The following LIPA variants were observed in gnomAD, a reference collection of about 807,000 sequenced individuals.
LIPA encodes the protein lipase A, lysosomal acid type, also known as lysosomal acid lipase/cholesteryl ester hydrolase.
A neutral mutation model predicts 40.6 loss-of-function variants in LIPA; 26 were observed. That is an observed-to-expected ratio of 0.64 (90% CI 0.47 to 0.89). The LOEUF is 0.89. LIPA is among the 40% of genes least tolerant of loss of function. The pLI, the probability that LIPA is intolerant of heterozygous loss-of-function variation, is 0.00. For missense variants in LIPA, 455 were observed against 479.6 expected, an observed-to-expected ratio of 0.95 and a Z score of 0.48; for synonymous variants, 188 against 168.4, an observed-to-expected ratio of 1.12 and a Z score of -0.90.
chr10:89,254,755 C>G (rs1173556198), upstream of LIPA, among the ~76,000 whole-genome samples: 2 of 152,150 alleles, frequency 1.3e-5, no homozygotes, highest in Non-Finnish European at 2.9e-5. Context: ...TAACAGCACC[C>G]AAGTCACCAT....
At chr10:89,341,982 G>GGT (rs1843875316) in intron 1 of LIPA, among the ~76,000 whole-genome samples, 1 of 152,122 alleles carries the variant, frequency 6.6e-6, no homozygotes, top group African/African-American at 2.4e-5. Flanking sequence ...AAGTAGCTGA[G>GGT]GTAATGCATA....
chr10:89,269,105 A>C (rs1020729515), intron 1 of LIPA, among the ~76,000 whole-genome samples: 1 of 151,972 alleles, frequency 6.6e-6, no homozygotes, highest in East Asian at 1.9e-4. Context: ...CAGGTGGACC[A>C]CCTGAGGTCA....
rs373734660 is a variant in LIPA at position 89,306,712 on chromosome 10, T to C, written c.-2+35899A>G. 5.4e-5 allele frequency: 87 copies of C among 1,614,142 alleles called. No individual in the cohort carries two copies. The African/African-American group carries it at 8.1e-4, about 15-fold the overall frequency. ...CAGGTGTAACAGATGTTCTTCGCAG[T>C]GCAGCCAAGTTTTATCGAAGAAAAG... On this transcript the variant is annotated intron_variant, in intron 1 of 5. Coordinates refer to the LIPA transcript ENST00000282673.
In LIPA at chr10:89,216,056, G is replaced by A. The variant is rs184863383; in HGVS notation, c.895-47C>T. 2.5e-5 allele frequency: 31 copies of A among 1,253,042 alleles called. No individual in the cohort carries two copies. The Middle Eastern group carries it at 5.6e-4, about 23-fold the overall frequency. The allele number at this position is 1,253,042 out of a possible 1,614,324, so 77.6% of individuals were successfully genotyped here. On this transcript the variant is annotated intron_variant, in intron 8 of 9. Transcript: ENST00000336233. ...AAAGAGTTATCTGACACCAAAGTTA[G>A]AGATAACATCATAGGTTGCTGGAGC...
chr10:89,349,921 T>C (rs1013954934), intron 2 of LIPA, among the ~76,000 whole-genome samples: 1 of 152,142 alleles, frequency 6.6e-6, no homozygotes, highest in African/African-American at 2.4e-5. Flanking sequence ...TATAAACGTC[T>C]CTTGTGATGG....
At chr10:89,393,199 A>G in intron 2 of LIPA, 1 of 1,289,928 alleles carries the variant, frequency 7.8e-7, no homozygotes, top group South Asian at 1.2e-5. Context: ...TACAGTGGAG[A>G]TGTGGTAGGA....
At chr10:89,298,439 A>G (rs1178471237) in intron 1 of LIPA, among the ~76,000 whole-genome samples, 1 of 152,248 alleles carries the variant, frequency 6.6e-6, no homozygotes, top group African/African-American at 2.4e-5. Flanking sequence ...AATTGTACAG[A>G]GGCTACACTA....
chr10:89,402,897 C>A, intron 2 of LIPA: 2 of 1,614,206 alleles, frequency 1.2e-6, no homozygotes, highest in East Asian at 4.5e-5. Flanking sequence ...TCCCCTAAGG[C>A]AGGCTGTCCG....
intron 2 of LIPA, among the ~76,000 whole-genome samples, chr10:89,381,324 T>G (rs1027542538): frequency 6.6e-6 from 1 of 151,854 alleles, no homozygotes; most frequent in Non-Finnish European, 1.5e-5. Flanking sequence ...TCTGTAGGGG[T>G]GGTGACTATT....
At chr10:89,329,029 T>G (rs926312044) in intron 1 of LIPA, among the ~76,000 whole-genome samples, 2 of 152,142 alleles carry the variant, frequency 1.3e-5, no homozygotes, top group Admixed American at 1.3e-4. Context: ...ATTTTTAAAT[T>G]TATATATTGA....
intron 3 of LIPA, among the ~76,000 whole-genome samples, chr10:89,230,306 T>TTTGA (rs976882316): frequency 5.3e-5 from 8 of 152,124 alleles, no homozygotes; most frequent in African/African-American, 9.7e-5. Context: ...TATCCACTTA[T>TTTGA]TTGATTGATT....
upstream of LIPA, among the ~76,000 whole-genome samples, chr10:89,252,720 G>A (rs908270613): frequency 6.6e-6 from 1 of 151,682 alleles, no homozygotes; most frequent in Non-Finnish European, 1.5e-5. Flanking sequence ...GCAGGAAAAT[G>A]GCTTGAACCA....
intron 2 of LIPA, chr10:89,384,504 A>T: frequency 6.2e-7 from 1 of 1,614,052 alleles, no homozygotes; most frequent in Non-Finnish European, 8.5e-7. Flanking sequence ...CTCAAGATAA[A>T]GCAATTACCC....
At chr10:89,361,178 C>T (rs150871186) in intron 2 of LIPA, among the ~76,000 whole-genome samples, 1 of 152,216 alleles carries the variant, frequency 6.6e-6, no homozygotes, top group East Asian at 1.9e-4. Flanking sequence ...ACAATTCAAC[C>T]CTCCAATATG....
At chr10:89,306,068 G>A (rs754042430) in intron 1 of LIPA, 2 of 1,614,148 alleles carry the variant, frequency 1.2e-6, no homozygotes, top group Non-Finnish European at 1.7e-6. Context: ...TGAAGACAAA[G>A]TATTTTACCG....
At chr10:89,307,618 G>A (rs1843491012) in intron 1 of LIPA, 2 of 392,750 alleles carry the variant, frequency 5.1e-6, no homozygotes, top group Non-Finnish European at 9.2e-6. Flanking sequence ...ATTATTTCTC[G>A]ATTGACTTCT....
intron 1 of LIPA, among the ~76,000 whole-genome samples, chr10:89,293,023 C>A (rs1843385113): frequency 6.6e-6 from 1 of 152,042 alleles, no homozygotes; most frequent in East Asian, 1.9e-4. Context: ...GTGTCCCCAC[C>A]CAAATCTCAT....
rs949481874 is a variant in LIPA at position 89,348,195 on chromosome 10, G to A, written c.61+64596C>T. ...TTAAGTAGGAGTTTGGAAAGACAGC[G>A]TGGGAAGATTTCCGTCAGACAGAAG... On this transcript the variant is annotated intron_variant, in intron 2 of 8. Coordinates refer to the LIPA transcript ENST00000371837. Among the ~76,000 whole-genome samples the A allele has an allele frequency of 2.4e-4, 36 of 152,276 alleles. 1 individual carries two copies. The highest frequency in any genetic ancestry group is 2.2e-3 in the Admixed American group (33 of 15,296).
intron 1 of LIPA, among the ~76,000 whole-genome samples, chr10:89,298,443 T>C (rs1469534856): frequency 6.6e-6 from 1 of 152,204 alleles, no homozygotes; most frequent in African/African-American, 2.4e-5. Context: ...GTACAGAGGC[T>C]ACACTACCAT....
Sources: allele counts gnomAD v4.1 joint callset (sites outside exome capture counted in the v4.1 genomes callset), GRCh38; gene constraint gnomAD v4.1.1; transcripts MANE v1.5; gene names NCBI Gene and HGNC (gene_info 2026-07-23, HGNC 2026-07-21).